The following PEX5L variants were observed in gnomAD, a reference collection of about 807,000 sequenced individuals.
PEX5L encodes the protein peroxisomal biogenesis factor 5 like.
A neutral mutation model predicts 84.0 loss-of-function variants in PEX5L; 30 were observed. That is an observed-to-expected ratio of 0.36 (90% confidence interval 0.27 to 0.48). PEX5L has a LOEUF of 0.48. Ranked by LOEUF, PEX5L falls within the 20% of genes least tolerant of loss-of-function variation. PEX5L has a pLI of 0.99. For missense variants in PEX5L, 533 were observed against 754.6 expected, an observed-to-expected ratio of 0.71 and a Z score of 3.44; for synonymous variants, 270 against 283.1, an observed-to-expected ratio of 0.95 and a Z score of 0.46.
chr3:180,020,865 A>G (rs1159695171), intron 1 of PEX5L, among the ~76,000 whole-genome samples: 7 of 152,210 alleles, frequency 4.6e-5, no homozygotes. Flanking sequence ...CAAGCAGACT[A>G]ATTAAGGCTA....
At chr3:179,866,591 G>A (rs1748250117) in intron 7 of PEX5L, among the ~76,000 whole-genome samples, 1 of 152,128 alleles carries the variant, frequency 6.6e-6, no homozygotes, top group Admixed American at 6.6e-5. Context: ...TGCCTACCAG[G>A]TGTGACTTTT....
chr3:180,011,210 C>T (rs2110468808), intron 1 of PEX5L, among the ~76,000 whole-genome samples: 1 of 152,224 alleles, frequency 6.6e-6, no homozygotes, highest in African/African-American at 2.4e-5. Flanking sequence ...TATTGAAATC[C>T]AAATCATGAG....
chr3:179,998,547 T>A (rs934705321), intron 1 of PEX5L, among the ~76,000 whole-genome samples: 8 of 152,206 alleles, frequency 5.3e-5, no homozygotes, highest in Admixed American at 2.0e-4. Context: ...CTTCTGCAGA[T>A]AACTACTCTC....
intron 2 of PEX5L, chr3:179,921,787 A>C (rs1769513862): frequency 1.3e-5 from 2 of 152,214 alleles, no homozygotes; most frequent in Admixed American, 1.3e-4. Flanking sequence ...ATTCATGCGC[A>C]TCCCCTACTA....
chr3:179,986,669 T>G (rs1376814861), intron 1 of PEX5L, among the ~76,000 whole-genome samples: 1 of 152,180 alleles, frequency 6.6e-6, no homozygotes, highest in Non-Finnish European at 1.5e-5. Flanking sequence ...CCCAAAGTGC[T>G]GGGATTACAG....
At chr3:179,841,593 T>C (rs922618477) in intron 8 of PEX5L, among the ~76,000 whole-genome samples, 2 of 152,254 alleles carry the variant, frequency 1.3e-5, no homozygotes, top group African/African-American at 4.8e-5. Context: ...TAGGGTCTGA[T>C]AGACAATAGT....
chr3:179,982,785 G>A (rs1419380413), intron 1 of PEX5L, among the ~76,000 whole-genome samples: 1 of 152,094 alleles, frequency 6.6e-6, no homozygotes, highest in Non-Finnish European at 1.5e-5. Context: ...TTATAAAATT[G>A]TCCTGGGTAG....
intron 7 of PEX5L, among the ~76,000 whole-genome samples, chr3:179,863,827 G>T (rs1439185766): frequency 6.6e-6 from 1 of 152,094 alleles, no homozygotes; most frequent in Non-Finnish European, 1.5e-5. Flanking sequence ...CCACTACTGG[G>T]TATATATCTG....
intron 1 of PEX5L, among the ~76,000 whole-genome samples, chr3:180,017,484 T>C (rs558166017): frequency 2.0e-5 from 3 of 152,240 alleles, no homozygotes; most frequent in African/African-American, 7.2e-5. Flanking sequence ...ACCATTCTAT[T>C]TGATTGGGGA....
intron 2 of PEX5L, among the ~76,000 whole-genome samples, chr3:179,921,302 G>A (rs755143763): frequency 6.6e-6 from 1 of 152,002 alleles, no homozygotes. Context: ...TTCCACATTA[G>A]CCAATAGCAT....
chr3:180,007,171 C>A (rs1348245381), intron 1 of PEX5L, among the ~76,000 whole-genome samples: 1 of 152,124 alleles, frequency 6.6e-6, no homozygotes, highest in African/African-American at 2.4e-5. Context: ...TACAGCTGTT[C>A]CAAATGGGAG....
intron 1 of PEX5L, among the ~76,000 whole-genome samples, chr3:179,972,326 A>G (rs962604644): frequency 7.2e-5 from 11 of 152,012 alleles, no homozygotes; most frequent in Admixed American, 6.6e-4. Context: ...TTTTGTCCCA[A>G]TGACCACTCT....
chr3:179,971,679 A>T lies in PEX5L; in HGVS notation c.22-14T>A. The T allele has an allele frequency of 6.3e-7, 1 of 1,588,040 alleles. No individual in the cohort carries two copies. The highest frequency in any genetic ancestry group is 8.6e-7 in the Non-Finnish European group (1 of 1,165,684). On this transcript the variant is annotated splice_polypyrimidine_tract_variant and intron_variant, in intron 1 of 14. Transcript: ENST00000467460. ...TTCTTTACTTTTCTTGTGAAAGAAT[A>T]ATTTTAAATGATCATTTAGTTTCTA...
intron 10 of PEX5L, among the ~76,000 whole-genome samples, chr3:179,814,425 C>T (rs914800185): frequency 6.6e-5 from 10 of 152,144 alleles, no homozygotes; most frequent in Non-Finnish European, 4.4e-5. Context: ...CTGATTTGCC[C>T]CAGGTCCCAT....
intron 8 of PEX5L, among the ~76,000 whole-genome samples, chr3:179,856,798 C>T (rs747037926): frequency 4.6e-5 from 7 of 152,198 alleles, no homozygotes; most frequent in Non-Finnish European, 7.3e-5. Flanking sequence ...AGCAACTCTG[C>T]TTATAGTTTT....
chr3:179,820,842 T>G (rs1728244221), intron 8 of PEX5L, among the ~76,000 whole-genome samples: 1 of 152,172 alleles, frequency 6.6e-6, no homozygotes, highest in Non-Finnish European at 1.5e-5. Context: ...AGCAAACATC[T>G]TAAAGAATTT....
chr3:179,927,492 A>G (rs1272310652), intron 2 of PEX5L, among the ~76,000 whole-genome samples: 1 of 152,156 alleles, frequency 6.6e-6, no homozygotes, highest in East Asian at 1.9e-4. Flanking sequence ...GTGGACTGTG[A>G]ACTGTTTGCT....
chr3:180,025,541 C>T (rs1435881815), intron 1 of PEX5L, among the ~76,000 whole-genome samples: 1 of 152,134 alleles, frequency 6.6e-6, no homozygotes, highest in Non-Finnish European at 1.5e-5. Flanking sequence ...TCAAGAAAAA[C>T]ATCCTTAATT....
intron 1 of PEX5L, among the ~76,000 whole-genome samples, chr3:179,979,740 T>A (rs1406223117): frequency 6.6e-6 from 1 of 152,250 alleles, no homozygotes; most frequent in East Asian, 1.9e-4. Flanking sequence ...AAATAATCTA[T>A]TTTAAGTGAA....
Sources: allele counts gnomAD v4.1 joint callset (sites outside exome capture counted in the v4.1 genomes callset), GRCh38; gene constraint gnomAD v4.1.1; transcripts MANE v1.5; gene names NCBI Gene and HGNC (gene_info 2026-07-23, HGNC 2026-07-21).